The following TTI1 variants were observed in gnomAD, a reference collection of about 807,000 sequenced individuals.
TTI1 encodes the protein TELO2 interacting protein 1, also known as TELO2-interacting protein 1 homolog.
TTI1 carries 52 observed loss-of-function variants against 85.4 expected under a neutral mutation model. The observed-to-expected ratio is 0.61, with a 90% CI of 0.49 to 0.77. The LOEUF (loss-of-function observed/expected upper bound fraction) is 0.77. Ranked by LOEUF, TTI1 falls within the 30% of genes least tolerant of loss-of-function variation. The probability of loss-of-function intolerance (pLI) is 0.00; values close to 1 mark genes in which losing one functional copy is unlikely to be tolerated. For missense variants in TTI1, 1,173 were observed against 1,296.0 expected, an observed-to-expected ratio of 0.91 and a Z score of 1.46; for synonymous variants, 512 against 503.9, an observed-to-expected ratio of 1.02 and a Z score of -0.22.
Position 37,996,879 on chromosome 20 carries a change from C to T in TTI1, c.2868G>A (p.Leu956=), listed in dbSNP as rs147117106. ...GGGCCTGGGTGACTAGGGAGCCAGC[C>T]AGCTTTGGCAGGACATCTTTGCAGA... is the stretch of plus-strand genomic sequence containing the variant. The part of the protein sequence containing the change: ...SRFCKDVLPK[L]AGSLVTQAPI... The change falls in exon 6 of 8, where the codon CTG becomes CTA. Residue 956 remains leucine (L), a synonymous_variant. Coordinates refer to ENST00000373447, the MANE Select transcript of TTI1 (RefSeq NM_001303457.2). 1.2e-6 allele frequency: 2 copies of T among 1,614,016 alleles called. No individual in the cohort carries two copies. The highest frequency in any genetic ancestry group is 1.7e-5 in the Admixed American group (1 of 59,998).
chr20:37,993,753 C>G (rs1433272225), intron 7 of TTI1, among the ~76,000 whole-genome samples: 1 of 152,266 alleles, frequency 6.6e-6, no homozygotes, highest in Non-Finnish European at 1.5e-5. Flanking sequence ...GTCGGAAACT[C>G]ACTACCTCTG....
At chr20:37,993,236 T>C (rs1391062911) in intron 7 of TTI1, among the ~76,000 whole-genome samples, 2 of 134,974 alleles carry the variant, frequency 1.5e-5, no homozygotes, top group Non-Finnish European at 3.1e-5. Context: ...GGAAGATTTA[T>C]GCCCCCTCCA....
At chr20:38,031,439 G>A (rs892849138) in intron 1 of TTI1, among the ~76,000 whole-genome samples, 36 of 152,198 alleles carry the variant, frequency 2.4e-4, no homozygotes, top group African/African-American at 8.7e-4. Flanking sequence ...AATGGCATAT[G>A]GCTTGTCTCT....
chr20:38,030,561 A>ACACACACACACC (rs1491234009), intron 1 of TTI1, among the ~76,000 whole-genome samples: 3 of 151,438 alleles, frequency 2.0e-5, no homozygotes, highest in African/African-American at 7.3e-5. Context: ...ACACACACAC[A>ACACACACACACC]CCATGATAAA....
Position 38,013,478 on chromosome 20 carries a change from C to T in TTI1, c.339G>A (p.Ala113=), listed in dbSNP as rs533487463. 2.6e-5 allele frequency: 42 copies of T among 1,613,914 alleles called. No homozygotes were observed. Among genetic ancestry groups the T allele is most frequent in the Admixed American group, 1.7e-4 (10 of 60,020 alleles). The change falls in exon 2 of 8, where the codon GCG becomes GCA. Residue 113 remains alanine (A), a synonymous_variant. Transcript: ENST00000373447. ...CLYSPSSQKP[A]AVSEELKLAV... Reference sequence around the variant, plus strand: ...CCAATTTCAACTCCTCGGACACAGCCGCAGGTTTTTGGGAGCTGGGTGAAT... The same window carrying T: ...CCAATTTCAACTCCTCGGACACAGCTGCAGGTTTTTGGGAGCTGGGTGAAT...
intron 1 of TTI1, among the ~76,000 whole-genome samples, chr20:38,027,470 C>T (rs922127189): frequency 1.3e-5 from 2 of 152,130 alleles, no homozygotes; most frequent in Non-Finnish European, 2.9e-5. Context: ...CAAAAAATCT[C>T]TATAAATTTT....
At chr20:37,986,507 T>C (rs776359897) in intron 7 of TTI1, among the ~76,000 whole-genome samples, 2 of 152,214 alleles carry the variant, frequency 1.3e-5, no homozygotes, top group Non-Finnish European at 2.9e-5. Flanking sequence ...AAGGACTGTT[T>C]TGGGTCTCAT....
At chr20:37,996,327 G>C in intron 7 of TTI1, 48 bp downstream of exon 7, 1 of 1,598,518 alleles carries the variant, frequency 6.3e-7, no homozygotes, top group Non-Finnish European at 8.6e-7. Context: ...CAAATCATCT[G>C]TAATTTAGAA....
At chr20:37,998,040 C>T (rs897809940) in intron 5 of TTI1, among the ~76,000 whole-genome samples, 1 of 152,160 alleles carries the variant, frequency 6.6e-6, no homozygotes, top group African/African-American at 2.4e-5. Context: ...AGCAATTCTC[C>T]TGCCTCAGCC....
At chr20:37,990,173 T>C (rs1215338507) in intron 7 of TTI1, among the ~76,000 whole-genome samples, 2 of 152,252 alleles carry the variant, frequency 1.3e-5, no homozygotes, top group Admixed American at 1.3e-4. Flanking sequence ...ATCTTGTTTT[T>C]GCTGTTATTT....
intron 7 of TTI1, among the ~76,000 whole-genome samples, chr20:37,988,924 G>A (rs1027064962): frequency 6.6e-6 from 1 of 152,168 alleles, no homozygotes; most frequent in Non-Finnish European, 1.5e-5. Flanking sequence ...ATGCTGCAAA[G>A]GAGGCTGTGT....
intron 7 of TTI1, chr20:37,987,500 T>C (rs945753068): frequency 4.5e-5 from 17 of 374,506 alleles, no homozygotes; most frequent in Middle Eastern, 7.8e-4. Context: ...CAAAAATTTC[T>C]TTCTCCTCCC....
intron 3 of TTI1, among the ~76,000 whole-genome samples, chr20:38,004,497 C>T (rs2073470302): frequency 6.6e-6 from 1 of 152,152 alleles, no homozygotes; most frequent in African/African-American, 2.4e-5. Flanking sequence ...AGAAAGGGAC[C>T]TCAGATATAC....
At chr20:38,031,703 A>G (rs2073909563) in intron 1 of TTI1, among the ~76,000 whole-genome samples, 1 of 152,210 alleles carries the variant, frequency 6.6e-6, no homozygotes, top group Non-Finnish European at 1.5e-5. Flanking sequence ...TATTTTCCGA[A>G]TGAATGAATA....
chr20:37,993,722 C>T (rs549814230), intron 7 of TTI1, among the ~76,000 whole-genome samples: 1 of 152,370 alleles, frequency 6.6e-6, no homozygotes, highest in Non-Finnish European at 1.5e-5. Flanking sequence ...ACTTCCAAAG[C>T]AAGCTGGTCA....
At chr20:38,010,953 A>G (rs1008015201) in intron 2 of TTI1, among the ~76,000 whole-genome samples, 1 of 152,258 alleles carries the variant, frequency 6.6e-6, no homozygotes, top group Non-Finnish European at 1.5e-5. Context: ...AGTAAAATAT[A>G]GAATTCAGTT....
intron 1 of TTI1, among the ~76,000 whole-genome samples, chr20:38,030,444 T>TA (rs1222387847): frequency 2.0e-5 from 3 of 151,024 alleles, no homozygotes; most frequent in Admixed American, 6.6e-5. Flanking sequence ...ATACAAAAAT[T>TA]AAAAAAATCT....
chr20:37,996,803 A>C lies in TTI1; in HGVS notation c.2944T>G (p.Leu982Val). 6.2e-7 allele frequency: 1 copy of C among 1,613,904 alleles called. No homozygotes were observed. ...PVYSHTLAFKLQLAVLQGLGP... is the reference protein window; with the variant it reads ...PVYSHTLAFKVQLAVLQGLGP... ...AGGCCCTGTAAGACAGCCAGCTGCA[A>C]CTTGAAGGCCAGCGTGTGCGAGTAA... Residue 982 changes from leucine (L) to valine (V), a missense_variant, in exon 6 of 8, where the codon TTG becomes GTG. By Grantham distance (32) the Leu-to-Val change is conservative. Transcript: ENST00000373447.
chr20:38,027,769 C>T (rs1334034427), intron 1 of TTI1, among the ~76,000 whole-genome samples: 2 of 151,926 alleles, frequency 1.3e-5, no homozygotes, highest in Non-Finnish European at 2.9e-5. Flanking sequence ...TACAAAAATA[C>T]AAAAATTAGC....
Sources: gnomAD v4.1 joint callset for allele counts (sites outside exome capture counted in the v4.1 genomes callset) on GRCh38, gnomAD v4.1.1 for gene constraint, MANE v1.5 for transcripts, NCBI Gene and HGNC (gene_info 2026-07-23, HGNC 2026-07-21) for gene names.